SGCZ: variants seen among roughly 807,000 people sequenced by gnomAD.
SGCZ encodes the protein zeta-sarcoglycan.
SGCZ carries 40 observed loss-of-function variants against 41.3 expected under a neutral mutation model. The ratio of observed to expected loss-of-function variants is 0.97; its 90% CI spans 0.75 to 1.26. The LOEUF (loss-of-function observed/expected upper bound fraction) is 1.26. Ranked by LOEUF, SGCZ falls within the 50% of genes most tolerant of loss-of-function variation. The pLI, the probability that SGCZ is intolerant of heterozygous loss-of-function variation, is 0.00. For missense variants in SGCZ, 552 were observed against 369.8 expected (o/e 1.49, Z -4.04); for synonymous variants, 206 against 137.5 (o/e 1.50, Z -3.49).
chr8:14,890,157 C>T (rs958867680), intron 1 of SGCZ, among the ~76,000 whole-genome samples: 1 of 151,572 alleles, frequency 6.6e-6, no homozygotes, highest in Non-Finnish European at 1.5e-5. Flanking sequence ...GCGGAAGTTG[C>T]AGTGAGCAGA....
intron 2 of SGCZ, among the ~76,000 whole-genome samples, chr8:14,459,198 A>G (rs951741854): frequency 2.0e-5 from 3 of 152,106 alleles, no homozygotes; most frequent in Admixed American, 6.5e-5. Context: ...GTTTTCACTC[A>G]TAGGTGGGAA....
At chr8:14,564,105 G>C (rs1475339986) in intron 1 of SGCZ, among the ~76,000 whole-genome samples, 2 of 152,176 alleles carry the variant, frequency 1.3e-5, no homozygotes, top group Admixed American at 6.5e-5. Context: ...AAGCATGTGA[G>C]TCCTGGATAG....
Position 14,136,601 on chromosome 8 carries a change from G to T in SGCZ, c.547+27979C>A, listed in dbSNP as rs183230503. On this transcript the variant is annotated intron_variant, in intron 5 of 7. Coordinates refer to ENST00000382080, the MANE Select transcript of SGCZ (RefSeq NM_139167.4). ...GAGGTGGCAGCGAGGCTGGGGGAGG[G>T]GCTTCCACCATTGCTGAGGCTTGAC... Among the ~76,000 whole-genome samples the T allele has an allele frequency of 4.1e-3, 631 of 152,258 alleles. 8 individuals are homozygous for T. The highest frequency in any genetic ancestry group is 0.015 in the African/African-American group (612 of 41,550).
intron 1 of SGCZ, among the ~76,000 whole-genome samples, chr8:14,572,532 T>A (rs1804586037): frequency 1.3e-5 from 2 of 152,122 alleles, no homozygotes; most frequent in African/African-American, 2.4e-5. Context: ...CCCTTTTTTA[T>A]AAAGTAAGGA....
At chr8:15,084,662 G>C (rs539937219) in intron 1 of SGCZ, among the ~76,000 whole-genome samples, 3 of 152,144 alleles carry the variant, frequency 2.0e-5, no homozygotes, top group African/African-American at 7.2e-5. Context: ...TGAGGCAGGA[G>C]AATCACTTGA....
At chr8:14,193,453 A>C (rs932295706) in intron 4 of SGCZ, among the ~76,000 whole-genome samples, 1 of 152,076 alleles carries the variant, frequency 6.6e-6, no homozygotes, top group African/African-American at 2.4e-5. Flanking sequence ...TGGTTTAATC[A>C]TACCTTTCAA....
chr8:14,737,676 C>G (rs1317661533), intron 1 of SGCZ, among the ~76,000 whole-genome samples: 1 of 151,984 alleles, frequency 6.6e-6, no homozygotes, highest in Non-Finnish European at 1.5e-5. Context: ...CATCCTCTGT[C>G]TGTTTTCATA....
At chr8:14,814,192 T>C (rs900632086) in intron 1 of SGCZ, among the ~76,000 whole-genome samples, 6 of 152,182 alleles carry the variant, frequency 3.9e-5, no homozygotes, top group African/African-American at 1.4e-4. Context: ...AATATTTATG[T>C]TAACGTCTCA....
Position 14,704,759 on chromosome 8 carries a change from A to C in SGCZ, c.40-149833T>G, listed in dbSNP as rs571277079. Among the ~76,000 whole-genome samples the C allele has an allele frequency of 1.0e-3, 159 of 151,904 alleles. 2 individuals are homozygous for C. The highest frequency in any genetic ancestry group is 3.7e-3 in the African/African-American group (153 of 41,504). On this transcript the variant is annotated intron_variant, in intron 1 of 7. Coordinates refer to ENST00000382080, the MANE Select transcript of SGCZ (RefSeq NM_139167.4). Reference sequence around the variant, plus strand: ...ATGCCATTACACTTTTTAAGATGCTACTCCCTTCCTTCTACTCCTCTTTAA... The same window carrying C: ...ATGCCATTACACTTTTTAAGATGCTCCTCCCTTCCTTCTACTCCTCTTTAA...
intron 1 of SGCZ, among the ~76,000 whole-genome samples, chr8:14,977,182 G>A (rs375178743): frequency 6.6e-6 from 1 of 151,574 alleles, no homozygotes; most frequent in African/African-American, 2.4e-5. Context: ...CTGTTAGAAG[G>A]AACTCGTTGA....
At chr8:15,111,070 A>G (rs1054499238) in intron 1 of SGCZ, among the ~76,000 whole-genome samples, 2 of 152,182 alleles carry the variant, frequency 1.3e-5, no homozygotes, top group African/African-American at 2.4e-5. Context: ...CAGAGAACCT[A>G]AGGCCAATTC....
intron 1 of SGCZ, among the ~76,000 whole-genome samples, chr8:14,828,893 G>T (rs557465786): frequency 1.2e-4 from 18 of 152,158 alleles, no homozygotes; most frequent in Non-Finnish European, 2.2e-4. Context: ...TTTTGCAAGA[G>T]TTTCAATAGA....
intron 1 of SGCZ, among the ~76,000 whole-genome samples, chr8:14,743,650 G>C (rs1299359181): frequency 1.3e-5 from 2 of 151,952 alleles, no homozygotes; most frequent in Non-Finnish European, 2.9e-5. Flanking sequence ...TAGAAAAAGA[G>C]TGAAGATTTC....
At chr8:14,217,836 G>A (rs1483556518) in intron 4 of SGCZ, among the ~76,000 whole-genome samples, 3 of 151,698 alleles carry the variant, frequency 2.0e-5, no homozygotes, top group African/African-American at 4.8e-5. Context: ...TCACCATGTT[G>A]GCCAGGCTCG....
intron 2 of SGCZ, among the ~76,000 whole-genome samples, chr8:14,333,501 C>G (rs1802407044): frequency 1.3e-5 from 2 of 151,790 alleles, no homozygotes; most frequent in Non-Finnish European, 2.9e-5. Flanking sequence ...TAATAGAATA[C>G]CAGAATTAAT....
At chr8:14,409,435 G>C (rs958830795) in intron 2 of SGCZ, among the ~76,000 whole-genome samples, 3 of 151,806 alleles carry the variant, frequency 2.0e-5, no homozygotes, top group African/African-American at 7.3e-5. Context: ...ATTTTGGTCA[G>C]CTTAGACACT....
At chr8:15,174,869 G>C (rs1563166112) in intron 1 of SGCZ, among the ~76,000 whole-genome samples, 1 of 152,162 alleles carries the variant, frequency 6.6e-6, no homozygotes, top group African/African-American at 2.4e-5. Context: ...AGGTTGTGGA[G>C]TCAAAGTAAT....
intron 1 of SGCZ, among the ~76,000 whole-genome samples, chr8:14,741,550 T>G (rs920590711): frequency 1.3e-5 from 2 of 152,086 alleles, no homozygotes; most frequent in African/African-American, 4.8e-5. Flanking sequence ...AGTATTTACA[T>G]TCAAAACATT....
At chr8:14,455,750 A>G (rs530252466) in intron 2 of SGCZ, among the ~76,000 whole-genome samples, 4 of 152,308 alleles carry the variant, frequency 2.6e-5, no homozygotes, top group African/African-American at 4.8e-5. Context: ...CATTTACACA[A>G]AAGAGTTCTT....
Sources: allele counts gnomAD v4.1 joint callset (sites outside exome capture counted in the v4.1 genomes callset), GRCh38; gene constraint gnomAD v4.1.1; transcripts MANE v1.5; gene names NCBI Gene and HGNC (gene_info 2026-07-23, HGNC 2026-07-21).